HENMT1: variants seen among roughly 807,000 people sequenced by gnomAD.
HENMT1 encodes small RNA 2'-O-methyltransferase.
In HENMT1, 27 loss-of-function variants were observed where a neutral mutation model predicts 31.1. The ratio of observed to expected loss-of-function variants is 0.87; its 90% CI spans 0.64 to 1.20. HENMT1 has a LOEUF of 1.20. HENMT1 is among the 50% of genes most tolerant of loss of function. The pLI, the probability that HENMT1 is intolerant of heterozygous loss-of-function variation, is 0.00. For missense variants in HENMT1, 438 were observed against 469.6 expected, an observed-to-expected ratio of 0.93 and a Z score of 0.62; for synonymous variants, 167 against 172.2, an observed-to-expected ratio of 0.97 and a Z score of 0.24.
Position 108,648,996 on chromosome 1 carries a change from AGGG to A in HENMT1, c.757-8_757-6del, listed in dbSNP as rs1570629765. 1.3e-6 allele frequency: 2 copies of A among 1,565,580 alleles called. No individual in the cohort carries two copies. Among genetic ancestry groups the A allele is most frequent in the Admixed American group, 2.0e-5 (1 of 50,352 alleles). The stretch of plus-strand genomic sequence containing the variant: ...TGGGTATGAGGTGGTAAAAACCTGA[AGGG>A]AAAAAACAAAACACTTACAAGTGTA... On this transcript the variant is annotated splice_polypyrimidine_tract_variant and splice_region_variant and intron_variant, in intron 7 of 7. Transcript: ENST00000651461.
rs537364061 is a variant in HENMT1, at chr1:108,653,275, C to A, written c.398+1441G>T. On this transcript the variant is annotated intron_variant, in intron 5 of 7. Transcript: ENST00000651461. ...AGGTGATCCACCTGCCTCGGCCTCC[C>A]AAAGTGCTGGGATTACAGGCGTGAG... Among the ~76,000 whole-genome samples the A allele has an allele frequency of 2.2e-3, 331 of 152,234 alleles. 1 individual carries two copies. Among genetic ancestry groups the A allele is most frequent in the African/African-American group, 7.7e-3 (322 of 41,564 alleles).
chr1:108,659,861 T>G lies in HENMT1; in HGVS notation c.21+3A>C, dbSNP rs765917588. ...AAGACGCAGCTAAGAAGGGTGGCAT[T>G]ACCTGTAGATTATTTTCTTCCATTT... is the stretch of plus-strand genomic sequence containing the variant. On this transcript the variant is annotated splice_donor_region_variant and intron_variant, in intron 2 of 7. Coordinates refer to ENST00000651461, the MANE Select transcript of HENMT1 (RefSeq NM_001102592.2). 6.4e-7 allele frequency: 1 copy of G among 1,552,556 alleles called. No individual in the cohort carries two copies. Among genetic ancestry groups the G allele is most frequent in the South Asian group, 1.1e-5 (1 of 87,648 alleles).
Position 108,648,751 on chromosome 1 carries a change from A to C in HENMT1, c.997T>G (p.Phe333Val), listed in dbSNP as rs1657953440. 1 of 1,614,174 alleles carries C rather than the reference A, an allele frequency of 6.2e-7. No homozygotes were observed. Among genetic ancestry groups the C allele is most frequent in the Non-Finnish European group, 8.5e-7 (1 of 1,180,014 alleles). Residue 333 changes from phenylalanine (F) to valine (V), a missense_variant, in exon 8 of 8, where the codon TTC becomes GTC. Physicochemically the swap from Phe to Val is conservative, Grantham distance 50 (BLOSUM62 -1). Coordinates refer to ENST00000651461, the MANE Select transcript of HENMT1 (RefSeq NM_001102592.2). ...ACGAAAAATTTATCTCCAACACAGA[A>C]GGGTGTGGGAGAGTTCTCTATCTTG... ...KAKIENSPTPFCVGDKFFVPL... is the reference protein window; with the variant it reads ...KAKIENSPTPVCVGDKFFVPL...
chr1:108,652,295 T>A (rs980703211), intron 5 of HENMT1, among the ~76,000 whole-genome samples: 1 of 152,190 alleles, frequency 6.6e-6, no homozygotes, highest in Non-Finnish European at 1.5e-5. Context: ...TGGTAAGAAG[T>A]CTTTGTTCTC....
At chr1:108,649,385 G>C (rs961697767) in intron 7 of HENMT1, 1 of 458,454 alleles carries the variant, frequency 2.2e-6, no homozygotes, top group Admixed American at 2.3e-5. Flanking sequence ...AGGATTGCTT[G>C]AGGATGGAAG....
intron 3 of HENMT1, 76 bp from the exon 4 acceptor site, chr1:108,655,774 G>GGA: frequency 1.4e-6 from 1 of 724,134 alleles, no homozygotes; most frequent in Non-Finnish European, 2.4e-6. Flanking sequence ...TTTTTGAGGA[G>GGA]GAGAGAGTGG....
intron 5 of HENMT1, among the ~76,000 whole-genome samples, chr1:108,653,605 C>A (rs1658124725): frequency 6.6e-6 from 1 of 152,170 alleles, no homozygotes; most frequent in Non-Finnish European, 1.5e-5. Flanking sequence ...CATTTACTGT[C>A]TTTTTAATAA....
intron 7 of HENMT1, 26 bp downstream of exon 7, chr1:108,650,185 A>C (rs767832611): frequency 1.6e-5 from 26 of 1,606,970 alleles, no homozygotes; most frequent in Non-Finnish European, 2.1e-5. Flanking sequence ...TCTAGCCCTG[A>C]TAGCTATCTC....
chr1:108,655,217 T>C (rs1178409985), intron 4 of HENMT1, among the ~76,000 whole-genome samples: 1 of 152,160 alleles, frequency 6.6e-6, no homozygotes, highest in Non-Finnish European at 1.5e-5. Context: ...ATACAAGAGA[T>C]AGGAGAAATG....
At position 108,655,711 on chromosome 1, in the gene HENMT1, C is replaced by A; in HGVS notation, c.151-13G>T. 1 of 1,548,548 alleles carries A rather than the reference C, an allele frequency of 6.5e-7. No individual in the cohort carries two copies. The highest frequency in any genetic ancestry group is 8.8e-7 in the Non-Finnish European group (1 of 1,134,084). On this transcript the variant is annotated splice_polypyrimidine_tract_variant and intron_variant, in intron 3 of 7. Transcript: ENST00000651461. The stretch of plus-strand genomic sequence containing the variant: ...CCAGGTCTGCAACCTGTAGATGAGA[C>A]AGAATGTTATTTCAAAGACATTTAT...
chr1:108,658,716 A>G (rs1034244471), intron 2 of HENMT1, among the ~76,000 whole-genome samples: 1 of 152,166 alleles, frequency 6.6e-6, no homozygotes, highest in African/African-American at 2.4e-5. Context: ...AGAATCTTCT[A>G]CCCCTGATAT....
At chr1:108,658,070 T>TAC (rs139208659) in intron 2 of HENMT1, among the ~76,000 whole-genome samples, 71 of 140,138 alleles carry the variant, frequency 5.1e-4, no homozygotes, top group African/African-American at 1.8e-3. Flanking sequence ...CATATATATG[T>TAC]ACACACACAC....
intron 5 of HENMT1, 45 bp downstream of exon 5, chr1:108,654,671 G>T (rs1269156430): frequency 2.8e-5 from 44 of 1,583,116 alleles, no homozygotes; most frequent in Non-Finnish European, 3.8e-5. Context: ...ACTTATTCAG[G>T]CTTTTCAAAT....
chr1:108,658,008 CAT>C (rs1341934678), intron 2 of HENMT1, among the ~76,000 whole-genome samples: 179 of 144,264 alleles, frequency 1.2e-3, no homozygotes, highest in Admixed American at 4.4e-3. Context: ...CACACACACA[CAT>C]ATATGTACAC....
At chr1:108,661,112 T>A, upstream of HENMT1, 1 of 545,776 alleles carries the variant, frequency 1.8e-6, no homozygotes, top group Non-Finnish European at 2.3e-6. Flanking sequence ...ACGGCCTCGC[T>A]GCGTGACGCT....
chr1:108,659,814 A>G, intron 2 of HENMT1, 50 bp downstream of exon 2: 1 of 1,124,380 alleles, frequency 8.9e-7, no homozygotes, highest in Non-Finnish European at 1.3e-6. Flanking sequence ...CAATACATCC[A>G]GGTGATAATT....
chr1:108,657,994 C>T (rs199577515), intron 2 of HENMT1, among the ~76,000 whole-genome samples: 49 of 90,872 alleles, frequency 5.4e-4, no homozygotes, highest in East Asian at 1.3e-3. Flanking sequence ...CATATATATA[C>T]ACACACACAC....
intron 2 of HENMT1, 75 bp from the exon 3 acceptor site, chr1:108,657,654 A>G (rs1017455749): frequency 5.5e-6 from 8 of 1,442,942 alleles, no homozygotes; most frequent in Non-Finnish European, 6.6e-6. Flanking sequence ...GGCAAAAAAA[A>G]AAAAACTTTA....
chr1:108,649,325 G>A (rs1657975278), intron 7 of HENMT1: 1 of 472,408 alleles, frequency 2.1e-6, no homozygotes, highest in African/African-American at 2.0e-5. Flanking sequence ...ACGTGGGTAA[G>A]TGCAGTGACT....
Sources: allele counts gnomAD v4.1 joint callset (sites outside exome capture counted in the v4.1 genomes callset), GRCh38; gene constraint gnomAD v4.1.1; transcripts MANE v1.5; gene names NCBI Gene and HGNC (gene_info 2026-07-23, HGNC 2026-07-21).